FAM222B: variants seen among roughly 807,000 people sequenced by gnomAD.
FAM222B encodes family with sequence similarity 222 member B.
Under a neutral mutation model 38.0 loss-of-function variants are expected in FAM222B, and 12 were observed. That is an observed-to-expected ratio of 0.32 (90% CI 0.20 to 0.51). FAM222B has a LOEUF of 0.51. FAM222B is among the 20% of genes least tolerant of loss of function. The pLI, the probability that FAM222B is intolerant of heterozygous loss-of-function variation, is 0.97. For missense variants in FAM222B, 716 were observed against 754.2 expected (o/e 0.95, Z 0.59); for synonymous variants, 329 against 317.2 (o/e 1.04, Z -0.40).
intron 1 of FAM222B, among the ~76,000 whole-genome samples, chr17:28,800,693 AAC>A (rs1281741910): frequency 6.6e-6 from 1 of 152,140 alleles, no homozygotes; most frequent in African/African-American, 2.4e-5. Flanking sequence ...GAAAAGTTCT[AAC>A]ACAGTATCAC....
chr17:28,824,044 A>T (rs2038353715), intron 1 of FAM222B, among the ~76,000 whole-genome samples: 1 of 151,686 alleles, frequency 6.6e-6, no homozygotes, highest in Non-Finnish European at 1.5e-5. Flanking sequence ...CACCCAGCTC[A>T]TTTTTTGTAT....
At chr17:28,797,128 G>A (rs960824984) in intron 1 of FAM222B, among the ~76,000 whole-genome samples, 1 of 149,062 alleles carries the variant, frequency 6.7e-6, no homozygotes, top group Admixed American at 6.9e-5. Flanking sequence ...TCAGCCTCCC[G>A]AGTAGCTGGG....
chr17:28,829,734 T>C (rs2152608206), intron 1 of FAM222B, among the ~76,000 whole-genome samples: 1 of 152,332 alleles, frequency 6.6e-6, no homozygotes, highest in East Asian at 1.9e-4. Context: ...GTCATTCAGG[T>C]TGTTTCCAGT....
chr17:28,833,810 A>G (rs563279020), intron 1 of FAM222B, among the ~76,000 whole-genome samples: 1 of 152,254 alleles, frequency 6.6e-6, no homozygotes, highest in African/African-American at 2.4e-5. Context: ...TTCACTACTA[A>G]TATGCTAATG....
intron 1 of FAM222B, among the ~76,000 whole-genome samples, chr17:28,826,608 G>A (rs1460924718): frequency 6.6e-6 from 1 of 150,884 alleles, no homozygotes; most frequent in Non-Finnish European, 1.5e-5. Flanking sequence ...TTATACCTGG[G>A]AGGCAGAGGT....
chr17:28,822,009 G>T (rs538531208), intron 1 of FAM222B, among the ~76,000 whole-genome samples: 1 of 151,338 alleles, frequency 6.6e-6, no homozygotes, highest in South Asian at 2.1e-4. Flanking sequence ...CAAAAACACT[G>T]AAAGATACTA....
At chr17:28,835,822 C>T (rs2038827251) in intron 1 of FAM222B, among the ~76,000 whole-genome samples, 1 of 151,950 alleles carries the variant, frequency 6.6e-6, no homozygotes, top group African/African-American at 2.4e-5. Context: ...TAGGTGCATG[C>T]CACCACACCC....
At chr17:28,798,118 C>T (rs897734219) in intron 1 of FAM222B, among the ~76,000 whole-genome samples, 22 of 151,910 alleles carry the variant, frequency 1.4e-4, no homozygotes, top group Admixed American at 9.2e-4. Flanking sequence ...AGGTCAGGCG[C>T]GGTGGTTCAC....
chr17:28,852,672 C>T (rs796304519), intron 1 of FAM222B, among the ~76,000 whole-genome samples: 4 of 152,188 alleles, frequency 2.6e-5, no homozygotes, highest in African/African-American at 9.6e-5. Context: ...AAAAGAAAAT[C>T]CTCTGTTAAC....
chr17:28,835,065 T>A (rs951529330), intron 1 of FAM222B, among the ~76,000 whole-genome samples: 18 of 128,676 alleles, frequency 1.4e-4, no homozygotes, highest in African/African-American at 3.2e-4. Flanking sequence ...TGTGTGTGTG[T>A]GATGGAGTCA....
intron 1 of FAM222B, among the ~76,000 whole-genome samples, chr17:28,795,980 T>C (rs2036922835): frequency 6.6e-6 from 1 of 152,298 alleles, no homozygotes; most frequent in Non-Finnish European, 1.5e-5. Flanking sequence ...TATGATCCTA[T>C]AAGTCTCTTC....
intron 1 of FAM222B, among the ~76,000 whole-genome samples, chr17:28,813,856 C>T (rs2037911557): frequency 6.6e-6 from 1 of 151,688 alleles, no homozygotes; most frequent in Non-Finnish European, 1.5e-5. Context: ...TGGAATAGGA[C>T]ATTTTAAACA....
chr17:28,838,373 G>A (rs1219726091), intron 1 of FAM222B, among the ~76,000 whole-genome samples: 1 of 149,910 alleles, frequency 6.7e-6, no homozygotes, highest in Non-Finnish European at 1.5e-5. Context: ...AAGGTCAGGA[G>A]ATCGAGACCA....
intron 1 of FAM222B, chr17:28,834,269 T>C (rs143704390): frequency 6.6e-6 from 1 of 152,310 alleles, no homozygotes; most frequent in East Asian, 1.9e-4. Context: ...TCTACTTAAA[T>C]AGTGATCTAA....
intron 1 of FAM222B, among the ~76,000 whole-genome samples, chr17:28,787,554 C>G (rs1020399231): frequency 6.7e-6 from 1 of 149,416 alleles, no homozygotes; most frequent in African/African-American, 2.4e-5. Flanking sequence ...TCTGAAAGCT[C>G]AAGAGGCTGC....
intron 1 of FAM222B, among the ~76,000 whole-genome samples, chr17:28,794,487 T>C (rs1174750879): frequency 6.6e-6 from 1 of 152,076 alleles, no homozygotes; most frequent in African/African-American, 2.4e-5. Context: ...CCAAAAGTGC[T>C]GGGATTACAG....
At chr17:28,844,934 C>G (rs1424608834), upstream of FAM222B, among the ~76,000 whole-genome samples, 1 of 151,524 alleles carries the variant, frequency 6.6e-6, no homozygotes, top group African/African-American at 2.4e-5. Context: ...AACCCTGTCT[C>G]TACTGAAAAA....
At chr17:28,765,904 G>GA (rs1282294279) in intron 2 of FAM222B, among the ~76,000 whole-genome samples, 1 of 152,122 alleles carries the variant, frequency 6.6e-6, no homozygotes, top group Non-Finnish European at 1.5e-5. Context: ...AAGCCAAAGG[G>GA]AACTGTCTGT....
At chr17:28,837,023 C>T (rs917314451) in intron 1 of FAM222B, among the ~76,000 whole-genome samples, 4 of 152,018 alleles carry the variant, frequency 2.6e-5, no homozygotes, top group Admixed American at 2.0e-4. Context: ...GAGGATAAGG[C>T]AGGAGAAGCT....
Sources: allele counts gnomAD v4.1 joint callset (sites outside exome capture counted in the v4.1 genomes callset), GRCh38; gene constraint gnomAD v4.1.1; transcripts MANE v1.5; gene names NCBI Gene and HGNC (gene_info 2026-07-23, HGNC 2026-07-21).